The following NHERF2 variants were observed in gnomAD, a reference collection of about 807,000 sequenced individuals.
NHERF2 encodes the protein NHERF family PDZ scaffold protein 2, also known as Na(+)/H(+) exchange regulatory cofactor NHE-RF2.
At chr16:2,027,018 G>A in the NHERF2 span, 14 of 1,188,940 alleles carry the variant, frequency 1.2e-5, no homozygotes, top group Non-Finnish European at 1.5e-5. Flanking sequence ...GGCCGCGCCG[G>A]AGCCGCTGCG....
the NHERF2 span, among the ~76,000 whole-genome samples, chr16:2,028,928 C>T: frequency 3.9e-5 from 6 of 152,226 alleles, no homozygotes; most frequent in Non-Finnish European, 5.9e-5. Context: ...TCCCCCTCGC[C>T]GGCTGCACCT....
chr16:2,032,583 C>G, the NHERF2 span, among the ~76,000 whole-genome samples: 1 of 152,194 alleles, frequency 6.6e-6, no homozygotes, highest in Non-Finnish European at 1.5e-5. The surrounding 1 kb of genome is among the most constrained non-coding windows in gnomAD (Gnocchi z 4.0). Flanking sequence ...ACTTTGGGTG[C>G]CCCCTGGGAG....
chr16:2,032,977 G>A, the NHERF2 span: 21 of 1,125,768 alleles, frequency 1.9e-5, no homozygotes, highest in East Asian at 1.5e-3. This position sits in a 1 kb window ranked among gnomAD's most constrained non-coding sequence, Gnocchi z 4.0. Flanking sequence ...GTGCCTGCGG[G>A]GGCTTCCGGG....
chr16:2,038,122 A>G, the NHERF2 span: 12 of 1,131,158 alleles, frequency 1.1e-5, no homozygotes, highest in African/African-American at 1.7e-4. Flanking sequence ...AGCCCCGGTG[A>G]GCCCCCATCC....
At chr16:2,035,387 C>G in the NHERF2 span, 29 of 985,712 alleles carry the variant, frequency 2.9e-5, no homozygotes, top group Non-Finnish European at 3.4e-5. Context: ...CCATGCCGCC[C>G]CAGCCCTGGC....
the NHERF2 span, chr16:2,033,413 C>T: frequency 6.5e-7 from 1 of 1,533,492 alleles, no homozygotes; most frequent in Non-Finnish European, 8.7e-7. Flanking sequence ...CCACGGAGCC[C>T]ACCCCAGAGG....
At chr16:2,028,035 C>T in the NHERF2 span, among the ~76,000 whole-genome samples, 2 of 152,206 alleles carry the variant, frequency 1.3e-5, no homozygotes, top group Admixed American at 1.3e-4. Context: ...GGGTTCTGAC[C>T]CCTGAGGTGT....
chr16:2,036,502 A>G, the NHERF2 span: 1 of 1,583,246 alleles, frequency 6.3e-7, no homozygotes, highest in South Asian at 1.1e-5. Context: ...CGGCTCATTG[A>G]GGTACCGGCC....
the NHERF2 span, among the ~76,000 whole-genome samples, chr16:2,034,116 G>A: frequency 2.0e-5 from 3 of 152,156 alleles, no homozygotes; most frequent in African/African-American, 4.8e-5. Flanking sequence ...ACCCTGCCCC[G>A]CAGGCCGCTG....
At chr16:2,036,938 A>T in the NHERF2 span, 2 of 1,568,142 alleles carry the variant, frequency 1.3e-6, no homozygotes, top group Non-Finnish European at 1.7e-6. Flanking sequence ...GCAGCCACTG[A>T]CACGCTGTCC....
At chr16:2,031,473 C>G in the NHERF2 span, among the ~76,000 whole-genome samples, 1 of 152,230 alleles carries the variant, frequency 6.6e-6, no homozygotes, top group African/African-American at 2.4e-5. Flanking sequence ...GTGGAAAAAT[C>G]CGGCCCTCGG....
the NHERF2 span, chr16:2,029,496 C>A: frequency 7.6e-7 from 1 of 1,312,008 alleles, no homozygotes; most frequent in Non-Finnish European, 1.1e-6. Context: ...TGTCCGCACG[C>A]CTGGGCCAGC....
chr16:2,035,531 C>T, the NHERF2 span: 2 of 986,382 alleles, frequency 2.0e-6, no homozygotes, highest in Non-Finnish European at 2.4e-6. Flanking sequence ...GAAACCTGAG[C>T]TGCCTCCTGC....
At chr16:2,027,212 C>G in the NHERF2 span, 1 of 1,370,792 alleles carries the variant, frequency 7.3e-7, no homozygotes. Flanking sequence ...GCGAGACGCA[C>G]CACCAGGTGG....
the NHERF2 span, chr16:2,036,395 G>A: frequency 6.8e-6 from 11 of 1,610,294 alleles, 1 homozygote; most frequent in Admixed American, 1.3e-4. Context: ...AGGGCTATGG[G>A]TTCAACCTGC....
the NHERF2 span, chr16:2,037,744 G>C: frequency 1.3e-6 from 2 of 1,550,020 alleles, no homozygotes; most frequent in South Asian, 2.4e-5. Context: ...AGCCTCTGTT[G>C]GTTGCTCCCT....
chr16:2,033,291 G>T, the NHERF2 span: 1 of 1,532,190 alleles, frequency 6.5e-7, no homozygotes, highest in South Asian at 1.2e-5. Flanking sequence ...GCCTGGGTCG[G>T]CCAGAGAGTT....
At chr16:2,036,886 GCCACGGC>G in the NHERF2 span, 1 of 1,605,754 alleles carries the variant, frequency 6.2e-7, no homozygotes, top group Non-Finnish European at 8.5e-7. Context: ...TGGAAGGTGG[GCCACGGC>G]CCAGGGCACA....
At chr16:2,035,638 G>T in the NHERF2 span, 2 of 986,110 alleles carry the variant, frequency 2.0e-6, no homozygotes, top group Non-Finnish European at 2.4e-6. Context: ...TGGTCATTGG[G>T]CCTGGCCTTG....
Sources: gnomAD v4.1 joint callset for allele counts (sites outside exome capture counted in the v4.1 genomes callset) on GRCh38, gnomAD v4.1.1 for gene constraint, Gnocchi (gnomAD v3.1) non-coding constraint, MANE v1.5 for transcripts, NCBI Gene and HGNC (gene_info 2026-07-23, HGNC 2026-07-21) for gene names.